Variants in TTYH2 observed in about 807,000 individuals in gnomAD.
The protein encoded by TTYH2 is tweety family member 2.
TTYH2 carries 49 observed loss-of-function variants against 68.3 expected under a neutral mutation model. That is an observed-to-expected ratio of 0.72 (90% confidence interval 0.57 to 0.91). The LOEUF is 0.91. Among genes scored for constraint, TTYH2 ranks in the 40% least tolerant of loss-of-function variants. The pLI is 0.00. For synonymous variants in TTYH2, 272 were observed against 300.8 expected (o/e 0.90, Z 0.99); for missense variants, 631 against 700.4 (o/e 0.90, Z 1.12).
intron 2 of TTYH2, among the ~76,000 whole-genome samples, chr17:74,227,403 C>T (rs1373703698): frequency 3.3e-5 from 5 of 152,134 alleles, no homozygotes; most frequent in Admixed American, 1.3e-4. Context: ...AACACTAAAT[C>T]GTGACTCAGA....
At position 74,249,001 on chromosome 17, in the gene TTYH2, CCTCA is replaced by C; in HGVS notation, c.805-5_805-2del. 1.9e-6 allele frequency: 3 copies of C among 1,614,158 alleles called. No homozygotes were observed. Among genetic ancestry groups the C allele is most frequent in the Non-Finnish European group, 2.5e-6 (3 of 1,180,016 alleles). On this transcript the variant is annotated splice_region_variant and splice_polypyrimidine_tract_variant and intron_variant, in intron 6 of 13. Transcript: ENST00000269346. Reference sequence around the variant, plus strand: ...TTTTCCTCCACCCCGTCCCTCTCTCCCTCACTCAGGCCACCAGTGACTTCTGTGT... The same window carrying C: ...TTTTCCTCCACCCCGTCCCTCTCTCCCTCAGGCCACCAGTGACTTCTGTGT...
chr17:74,227,087 G>T (rs1365227618), intron 2 of TTYH2, among the ~76,000 whole-genome samples: 2 of 152,130 alleles, frequency 1.3e-5, no homozygotes, highest in Admixed American at 1.3e-4. Context: ...AGATTCTCCT[G>T]CCTCAGCCTC....
At chr17:74,237,266 A>C in intron 3 of TTYH2, 28 bp from the exon 4 acceptor site, 1 of 1,609,986 alleles carries the variant, frequency 6.2e-7, no homozygotes. Context: ...CTCTACCTCC[A>C]TGGCTTTTGC....
intron 3 of TTYH2, among the ~76,000 whole-genome samples, chr17:74,235,491 T>C (rs1488966841): frequency 2.0e-5 from 3 of 152,248 alleles, no homozygotes; most frequent in Non-Finnish European, 4.4e-5. Flanking sequence ...CCCGGGGTTC[T>C]GCAGGCACCC....
chr17:74,253,851 C>T lies in TTYH2; in HGVS notation c.1524+18C>T. On this transcript the variant is annotated intron_variant, in intron 13 of 13. Coordinates refer to ENST00000269346, the MANE Select transcript of TTYH2 (RefSeq NM_032646.6). ...CGCCTACGGTAATTGGGGCTCTGGC[C>T]CTTCCTTGTTGGGGTAATACATAAA... is the stretch of plus-strand genomic sequence containing the variant. The T allele has an allele frequency of 1.2e-6, 2 of 1,613,650 alleles. No individual in the cohort carries two copies. Among genetic ancestry groups the T allele is most frequent in the Non-Finnish European group, 1.7e-6 (2 of 1,179,534 alleles).
intron 1 of TTYH2, among the ~76,000 whole-genome samples, chr17:74,219,319 G>A (rs958057532): frequency 2.0e-5 from 3 of 150,012 alleles, no homozygotes; most frequent in Non-Finnish European, 4.4e-5. Context: ...CACCTGGGAG[G>A]CGGAGGTTGC....
intron 3 of TTYH2, among the ~76,000 whole-genome samples, chr17:74,235,847 T>C (rs2050437389): frequency 6.7e-6 from 1 of 150,334 alleles, no homozygotes; most frequent in African/African-American, 2.5e-5. Context: ...TGAGCCAAGA[T>C]TGCACCACTG....
intron 11 of TTYH2, 95 bp downstream of exon 11, chr17:74,252,471 C>G (rs1377950716): frequency 6.9e-7 from 1 of 1,449,508 alleles, no homozygotes; most frequent in Non-Finnish European, 9.2e-7. Context: ...GCTGATAACC[C>G]AGGACTGAGG....
At position 74,230,969 on chromosome 17, in the gene TTYH2, C is replaced by T. The variant is rs147226758; in HGVS notation, c.384C>T (p.Ala128=). 1.2e-4 allele frequency: 187 copies of T among 1,614,000 alleles called. No homozygotes were observed. Among genetic ancestry groups the T allele is most frequent in the Non-Finnish European group, 1.5e-4 (176 of 1,180,018 alleles). ...AGCTGATGTACTCCTTGGACGATGC[C>T]AACCACACCTTCTCTGGGATCGATG... ...AYQLMYSLDD[A]NHTFSGIDAL... is the part of the protein sequence containing the mutation. Residue 128 remains alanine, a synonymous_variant, in exon 3 of 14, where the codon GCC becomes GCT. Transcript: ENST00000269346.
chr17:74,225,289 G>A (rs942257838), intron 2 of TTYH2, among the ~76,000 whole-genome samples: 8 of 152,184 alleles, frequency 5.3e-5, no homozygotes, highest in South Asian at 2.1e-4. Flanking sequence ...GGGCACTGTC[G>A]AGGGTCGGGG....
chr17:74,245,722 C>T (rs1271705493), intron 6 of TTYH2, among the ~76,000 whole-genome samples: 1 of 152,204 alleles, frequency 6.6e-6, no homozygotes, highest in East Asian at 1.9e-4. Flanking sequence ...GATGCTGCTG[C>T]ATTTTAATAG....
chr17:74,221,581 T>C (rs1465493370), intron 1 of TTYH2, among the ~76,000 whole-genome samples: 1 of 152,154 alleles, frequency 6.6e-6, no homozygotes, highest in Non-Finnish European at 1.5e-5. Context: ...TAGAGCCAGG[T>C]CCAGCCCTGG....
intron 2 of TTYH2, among the ~76,000 whole-genome samples, chr17:74,230,341 C>T (rs971284060): frequency 4.6e-5 from 7 of 151,784 alleles, no homozygotes; most frequent in Non-Finnish European, 8.8e-5. Context: ...GCGACCTATC[C>T]GCCTCAGCCT....
rs61066438 is a variant in TTYH2, at chr17:74,250,613, A to T, written c.1116+256A>T. The T allele has an allele frequency of 1.2e-3, 524 of 450,696 alleles. 9 individuals are homozygous for T. The East Asian group carries it at 0.017, about 15-fold the overall frequency. The allele number at this position is 450,696 out of a possible 1,614,324, so 27.9% of individuals were successfully genotyped here. ...GCGGTTGGCTCTGGGTCACTGGGGG[A>T]CCCTGAACAATGCAAGGGAGGCTGT... On this transcript the variant is annotated intron_variant, in intron 10 of 13. Coordinates refer to ENST00000269346, the MANE Select transcript of TTYH2 (RefSeq NM_032646.6).
At chr17:74,225,755 C>T (rs560342702) in intron 2 of TTYH2, among the ~76,000 whole-genome samples, 1 of 152,164 alleles carries the variant, frequency 6.6e-6, no homozygotes, top group Non-Finnish European at 1.5e-5. Flanking sequence ...CAGTCTCCTA[C>T]CAGCACCTCC....
chr17:74,238,074 C>T (rs1469373515), intron 4 of TTYH2, among the ~76,000 whole-genome samples: 3 of 152,138 alleles, frequency 2.0e-5, no homozygotes, highest in Non-Finnish European at 2.9e-5. Context: ...TCACACTCCC[C>T]GCGCCAAAGG....
In TTYH2 at chr17:74,261,225, G is replaced by GT. The variant is rs1331541729; in HGVS notation, c.*1017dup. ...TAAATAAGGATCAGTGAGGCATCCT[G>GT]TCCCAAGCTACTGTTTGGTGGGGAT... On this transcript the variant is annotated 3_prime_UTR_variant, in exon 14 of 14. Transcript: ENST00000269346. 1 of 152,208 alleles carries GT rather than the reference G, an allele frequency of 6.6e-6. No homozygotes were observed. The highest frequency in any genetic ancestry group is 1.5e-5 in the Non-Finnish European group (1 of 68,038). The allele number at this position is 152,208 out of a possible 1,614,324, so 9.4% of individuals were successfully genotyped here. A position where few individuals can be genotyped will look rare whatever the true frequency, so the allele number is the denominator to read the frequency against.
intron 6 of TTYH2, 43 bp downstream of exon 6, chr17:74,244,092 G>A: frequency 1.3e-6 from 2 of 1,579,958 alleles, no homozygotes. Flanking sequence ...TGGTTGGTCT[G>A]CCAGGACACT....
Position 74,214,362 on chromosome 17 carries a change from G to A in TTYH2, c.129+646G>A, listed in dbSNP as rs1478176422. Among the ~76,000 whole-genome samples, 1 of 152,062 alleles carries A rather than the reference G, an allele frequency of 6.6e-6. No homozygotes were observed. The highest frequency in any genetic ancestry group is 6.6e-5 in the Admixed American group (1 of 15,262). ...GTTCCAGGGAAGGAAGGTGGCCTCCGTCAGCCCATCTCACACTGTTGTCCT... is the reference window on the plus strand; with the variant it reads ...GTTCCAGGGAAGGAAGGTGGCCTCCATCAGCCCATCTCACACTGTTGTCCT... On this transcript the variant is annotated intron_variant, in intron 1 of 13. Transcript: ENST00000269346. The surrounding 1 kb of genome is among the most constrained non-coding windows in gnomAD (Gnocchi z 4.6).
Sources: gnomAD v4.1 joint callset for allele counts (sites outside exome capture counted in the v4.1 genomes callset) on GRCh38, gnomAD v4.1.1 for gene constraint, Gnocchi (gnomAD v3.1) non-coding constraint, MANE v1.5 for transcripts, NCBI Gene and HGNC (gene_info 2026-07-23, HGNC 2026-07-21) for gene names.